The following CAMKK2 variants were observed in gnomAD, a reference collection of about 807,000 sequenced individuals.
The protein encoded by CAMKK2 is calcium/calmodulin-dependent protein kinase kinase 2.
CAMKK2 carries 30 observed loss-of-function variants against 67.2 expected under a neutral mutation model. The ratio of observed to expected loss-of-function variants is 0.45; its 90% CI spans 0.33 to 0.61. CAMKK2 has a LOEUF of 0.61. Ranked by LOEUF, CAMKK2 falls within the 20% of genes least tolerant of loss-of-function variation. The pLI is 0.02. For synonymous variants in CAMKK2, 322 were observed against 326.2 expected, an observed-to-expected ratio of 0.99 and a Z score of 0.14; for missense variants, 643 against 802.0, an observed-to-expected ratio of 0.80 and a Z score of 2.39.
At chr12:121,241,457 C>A (rs1220551155) in intron 16 of CAMKK2, among the ~76,000 whole-genome samples, 1 of 152,222 alleles carries the variant, frequency 6.6e-6, no homozygotes, top group African/African-American at 2.4e-5. Context: ...GAAGAGGAGG[C>A]CCCTTCCCTC....
chr12:121,261,651 C>A (rs1893478573), intron 6 of CAMKK2, among the ~76,000 whole-genome samples: 1 of 152,232 alleles, frequency 6.6e-6, no homozygotes, highest in African/African-American at 2.4e-5. Context: ...GAGTTCTGCA[C>A]CAGATGAGTC....
Position 121,252,697 on chromosome 12 carries a change from G to A in CAMKK2, c.1125C>T (p.Ala375=), listed in dbSNP as rs1460750238. 1.2e-6 allele frequency: 2 copies of A among 1,614,040 alleles called. No individual in the cohort carries two copies. Among genetic ancestry groups the A allele is most frequent in the South Asian group, 1.1e-5 (1 of 91,084 alleles). ...CAAAGCAGTATAGTGTCACACCCAT[G>A]GCCCAAACATCCAAGGCCTGCAAGA... is the stretch of plus-strand genomic sequence containing the variant. ...IFSGKALDVW[A]MGVTLYCFVF... is the part of the protein sequence containing the mutation. Residue 375 remains alanine, a synonymous_variant, in exon 11 of 17, where the codon GCC becomes GCT. Coordinates refer to ENST00000404169, the MANE Select transcript of CAMKK2 (RefSeq NM_001270485.2).
At chr12:121,269,813 C>A in intron 3 of CAMKK2, 2 of 433,232 alleles carry the variant, frequency 4.6e-6, no homozygotes, top group Non-Finnish European at 8.4e-6. Flanking sequence ...CTTTGGGAGG[C>A]CGAGGCAGGC....
upstream of CAMKK2, chr12:121,297,099 C>G (rs1306725675): frequency 6.5e-6 from 1 of 153,266 alleles, no homozygotes; most frequent in Admixed American, 6.5e-5. Flanking sequence ...TGTACCCGCT[C>G]GCCCGCGGCG....
chr12:121,289,620 C>T (rs1423922275), intron 1 of CAMKK2, among the ~76,000 whole-genome samples: 1 of 152,144 alleles, frequency 6.6e-6, no homozygotes, highest in African/African-American at 2.4e-5. Context: ...AAGTTGGGAG[C>T]GATGGCTCAT....
At chr12:121,284,474 C>T (rs1258322998) in intron 1 of CAMKK2, among the ~76,000 whole-genome samples, 2 of 152,094 alleles carry the variant, frequency 1.3e-5, no homozygotes, top group African/African-American at 2.4e-5. Flanking sequence ...TACAGGCACG[C>T]CACCATGCCC....
At chr12:121,267,832 A>G (rs1593395594) in intron 5 of CAMKK2, among the ~76,000 whole-genome samples, 1 of 151,862 alleles carries the variant, frequency 6.6e-6, no homozygotes, top group African/African-American at 2.4e-5. Context: ...AAATATCTAT[A>G]TACATATCTG....
At chr12:121,248,442 C>T (rs1229038146) in intron 14 of CAMKK2, among the ~76,000 whole-genome samples, 164 bp downstream of exon 14, 1 of 152,234 alleles carries the variant, frequency 6.6e-6, no homozygotes. Flanking sequence ...GCAGGGGTCA[C>T]CTGGCCTGAT....
At chr12:121,265,177 C>T (rs568666759) in intron 5 of CAMKK2, among the ~76,000 whole-genome samples, 22 of 152,188 alleles carry the variant, frequency 1.4e-4, no homozygotes, top group African/African-American at 5.3e-4. Flanking sequence ...GCACACATCC[C>T]ATGTAAGTAA....
intron 5 of CAMKK2, among the ~76,000 whole-genome samples, chr12:121,265,021 C>A (rs1328030575): frequency 6.6e-6 from 1 of 151,512 alleles, no homozygotes. Context: ...TAAAATGAAG[C>A]CAGGGAGAAG....
chr12:121,255,592 C>T lies in CAMKK2; in HGVS notation c.865G>A (p.Ala289Thr). The T allele has an allele frequency of 1.9e-6, 3 of 1,612,644 alleles. No homozygotes were observed. The highest frequency in any genetic ancestry group is 1.1e-5 in the South Asian group (1 of 90,850). Residue 289 changes from alanine (A) to threonine (T), a missense_variant, in exon 9 of 17, where the codon GCC becomes ACC. Physicochemically the swap from Ala to Thr is moderately conservative, Grantham distance 58 (BLOSUM62 0). Coordinates refer to ENST00000404169, the MANE Select transcript of CAMKK2 (RefSeq NM_001270485.2). ...ATCAGATCCTGGAAGTAGAAACGGG[C>T]CTGGTCTTCAGAGAGTGGTTTGAGG... ...PTLKPLSEDQ[A>T]RFYFQDLIKG...
intron 6 of CAMKK2, among the ~76,000 whole-genome samples, chr12:121,261,566 C>T (rs528725357): frequency 1.3e-5 from 2 of 152,358 alleles, no homozygotes; most frequent in East Asian, 3.9e-4. Flanking sequence ...GCACCCTAGG[C>T]AGAGCCTGGG....
At chr12:121,264,011 G>A in intron 5 of CAMKK2, 72 bp from the exon 6 acceptor site, 1 of 1,404,496 alleles carries the variant, frequency 7.1e-7, no homozygotes, top group South Asian at 1.5e-5. Context: ...CTGCAGGTGG[G>A]ATGCCAAAAG....
chr12:121,247,141 G>C lies in CAMKK2; in HGVS notation c.1452+1465C>G, dbSNP rs901688231. ...TGTGTTAGCCCGTCCGCCCTCTCTC[G>C]GCGGAGTTAACACCCTACCATCCTC... On this transcript the variant is annotated intron_variant, in intron 14 of 16. Coordinates refer to ENST00000404169, the MANE Select transcript of CAMKK2 (RefSeq NM_001270485.2). Among the ~76,000 whole-genome samples the C allele has an allele frequency of 3.3e-5, 5 of 151,752 alleles. No homozygotes were observed. The South Asian group carries it at 8.3e-4, about 25-fold the overall frequency.
At chr12:121,248,779 A>G in intron 13 of CAMKK2, 45 bp from the exon 14 acceptor site, 1 of 1,610,364 alleles carries the variant, frequency 6.2e-7, no homozygotes, top group Non-Finnish European at 8.5e-7. Context: ...GTGGCTGGCT[A>G]CCGGGGGGCC....
rs1470663586 is a variant in CAMKK2 at position 121,269,598 on chromosome 12, G to A, written c.520-17C>T. The A allele has an allele frequency of 6.3e-7, 1 of 1,596,300 alleles. No homozygotes were observed. Among genetic ancestry groups the A allele is most frequent in the Non-Finnish European group, 8.6e-7 (1 of 1,167,876 alleles). ...ATAGGAGCCCTGGATAAAGGGAGAT[G>A]CCCATGACATACTATCCAGAAGTTA... On this transcript the variant is annotated splice_polypyrimidine_tract_variant and intron_variant, in intron 3 of 16. Transcript: ENST00000404169.
intron 1 of CAMKK2, among the ~76,000 whole-genome samples, chr12:121,283,136 CAGTGGGGTTCGG>C (rs1173310426): frequency 2.2e-4 from 34 of 152,324 alleles, no homozygotes; most frequent in Non-Finnish European, 4.1e-4. Context: ...CCCACCCAAC[CAGTGGGGTTCGG>C]AGAAGCCGGC....
chr12:121,288,917 T>C (rs370024842), intron 1 of CAMKK2, among the ~76,000 whole-genome samples: 2 of 152,176 alleles, frequency 1.3e-5, no homozygotes, highest in Non-Finnish European at 2.9e-5. Flanking sequence ...CTACAGAATC[T>C]TCTCATTTTC....
At chr12:121,292,610 C>T (rs1325045157) in intron 1 of CAMKK2, among the ~76,000 whole-genome samples, 1 of 152,160 alleles carries the variant, frequency 6.6e-6, no homozygotes, top group African/African-American at 2.4e-5. Context: ...CGGCCTGAAC[C>T]CCATATCCAG....
Sources: allele counts gnomAD v4.1 joint callset (sites outside exome capture counted in the v4.1 genomes callset), GRCh38; gene constraint gnomAD v4.1.1; transcripts MANE v1.5; gene names NCBI Gene and HGNC (gene_info 2026-07-23, HGNC 2026-07-21).